CARM1: variants seen among roughly 807,000 people sequenced by gnomAD.
CARM1 encodes the protein histone-arginine methyltransferase CARM1.
A neutral mutation model predicts 72.7 loss-of-function variants in CARM1; 14 were observed. The ratio of observed to expected loss-of-function variants is 0.19; its 90% CI spans 0.13 to 0.30. The LOEUF (loss-of-function observed/expected upper bound fraction) is 0.30, where lower values mean the gene tolerates loss of function less well. Ranked by LOEUF, CARM1 falls within the 10% of genes least tolerant of loss-of-function variation. CARM1 has a pLI of 1.00. For missense variants in CARM1, 432 were observed against 833.7 expected (o/e 0.52, Z 5.93); for synonymous variants, 333 against 345.5 (o/e 0.96, Z 0.40).
intron 4 of CARM1, among the ~76,000 whole-genome samples, chr19:10,910,397 C>G (rs1382566343): frequency 1.3e-5 from 2 of 151,508 alleles, no homozygotes; most frequent in Non-Finnish European, 2.9e-5. Flanking sequence ...AGGAGAATCA[C>G]TTGAACCTGG....
At chr19:10,892,985 T>C (rs1393373036) in intron 1 of CARM1, among the ~76,000 whole-genome samples, 2 of 152,154 alleles carry the variant, frequency 1.3e-5, no homozygotes, top group Non-Finnish European at 2.9e-5. Flanking sequence ...TCCACCCGCC[T>C]CAGCCTCCCA....
Position 10,921,615 on chromosome 19 carries a change from G to C in CARM1, c.1685G>C (p.Gly562Ala). 6.2e-7 allele frequency: 1 copy of C among 1,609,878 alleles called. No homozygotes were observed. Among genetic ancestry groups the C allele is most frequent in the Non-Finnish European group, 8.5e-7 (1 of 1,177,364 alleles). The part of the protein sequence containing the change: ...GSIMSTGIVQ[G>A]SSGAQGSGGG... ...CTCACTGCCATTGCCTGCTCCACAG[G>C]GTCCTCCGGCGCCCAGGGCAGTGGT... is the stretch of plus-strand genomic sequence containing the variant. The change falls in exon 16 of 16, where the codon GGG becomes GCG. Residue 562 changes from glycine (G) to alanine (A), a missense_variant and splice_region_variant. Transcript: ENST00000327064.
In CARM1 at chr19:10,916,708, T is replaced by A. The variant is rs551984275; in HGVS notation, c.951T>A (p.Ser317=). 41 of 1,566,960 alleles carry A rather than the reference T, an allele frequency of 2.6e-5. No homozygotes were observed. The Admixed American group carries it at 3.2e-4, about 12-fold the overall frequency. ...FTKANFWYQP[S]FHGVDLSALR... ...GGCCTGTCCACAGGTACCAGCCATC[T>A]TTCCATGGAGTGGACCTGTCGGCCC... Residue 317 remains serine, a synonymous_variant, in exon 8 of 16, where the codon TCT becomes TCA. Coordinates refer to ENST00000327064, the MANE Select transcript of CARM1 (RefSeq NM_199141.2). The surrounding 1 kb of genome is among the most constrained non-coding windows in gnomAD (Gnocchi z 4.4).
intron 1 of CARM1, among the ~76,000 whole-genome samples, chr19:10,876,751 T>TC (rs1364556355): frequency 5.3e-5 from 8 of 152,254 alleles, no homozygotes; most frequent in Non-Finnish European, 5.9e-5. Flanking sequence ...TGGCATGGCC[T>TC]CTGGAGTTCC....
At position 10,915,173 on chromosome 19, in the gene CARM1, G is replaced by A. The variant is rs1029005294; in HGVS notation, c.847+1119G>A. 2.0e-5 allele frequency among the ~76,000 whole-genome samples: 3 copies of A among 152,126 alleles called. No individual in the cohort carries two copies. The highest frequency in any genetic ancestry group is 4.4e-5 in the Non-Finnish European group (3 of 68,018). ...TGTGCTCCTGGAGGTGGGAGGTGGC[G>A]TCCCACAGCTGTGTCTCATGTCTTG... On this transcript the variant is annotated intron_variant, in intron 6 of 15. Transcript: ENST00000327064. The surrounding 1 kb of genome is among the most constrained non-coding windows in gnomAD (Gnocchi z 4.6).
chr19:10,921,668 G>T lies in CARM1; in HGVS notation c.1738G>T (p.Val580Phe), dbSNP rs983041679. The part of the protein sequence containing the change: ...GGGSTSAHYA[V>F]NSQFTMGGPA... ...TGGCAGCACGAGTGCCCACTATGCA[G>T]TCAACAGCCAGTTCACCATGGGCGG... is the stretch of plus-strand genomic sequence containing the variant. Residue 580 changes from valine (V) to phenylalanine (F), a missense_variant, in exon 16 of 16, where the codon GTC (valine) becomes TTC (phenylalanine). Val to Phe is a conservative substitution (Grantham distance 50, BLOSUM62 -1). Transcript: ENST00000327064. 1 of 1,613,584 alleles carries T rather than the reference G, an allele frequency of 6.2e-7. No individual in the cohort carries two copies.
At chr19:10,917,095 A>T (rs544305899) in intron 8 of CARM1, among the ~76,000 whole-genome samples, 2 of 152,102 alleles carry the variant, frequency 1.3e-5, no homozygotes, top group Admixed American at 1.3e-4. Context: ...AATAAAAAAG[A>T]ACCATTACTA....
Position 10,920,721 on chromosome 19 carries a change from T to A in CARM1, c.1397T>A (p.Leu466His). 1 of 1,614,068 alleles carries A rather than the reference T, an allele frequency of 6.2e-7. No homozygotes were observed. Among genetic ancestry groups the A allele is most frequent in the Non-Finnish European group, 8.5e-7 (1 of 1,179,984 alleles). Reference sequence around the variant, plus strand: ...CAGACCGGCTCCAAGTCCAGTAACCTCCTGGATCTGAAAAACCCCTTCTTT... The same window carrying A: ...CAGACCGGCTCCAAGTCCAGTAACCACCTGGATCTGAAAAACCCCTTCTTT... ...VDQTGSKSSN[L>H]LDLKNPFFRY... The change falls in exon 12 of 16, where the codon CTC becomes CAC. Residue 466 changes from leucine to histidine, a missense_variant. Physicochemically the swap from Leu to His is moderately conservative, Grantham distance 99. This residue lies in a region of CARM1 where 152 missense variants were observed against 452.8 expected (regional missense o/e 0.34). Transcript: ENST00000327064. The surrounding 1 kb of genome is among the most constrained non-coding windows in gnomAD (Gnocchi z 5.3).
intron 1 of CARM1, among the ~76,000 whole-genome samples, chr19:10,880,434 C>T (rs886109999): frequency 2.0e-5 from 3 of 151,984 alleles, no homozygotes; most frequent in African/African-American, 7.2e-5. Context: ...CAGCCTTGAA[C>T]ACCCAGGCTC....
Position 10,871,852 on chromosome 19 carries a change from C to T in CARM1, c.150C>T (p.His50=), listed in dbSNP as rs1463499953. ...IGDANGEIQR[H]AEQQALRLEV... is the part of the protein sequence containing the mutation. Reference sequence around the variant, plus strand: ...ACGCGAACGGCGAGATCCAGCGGCACGCGGAGCAGCAGGCGCTGCGCCTCG... The same window carrying T: ...ACGCGAACGGCGAGATCCAGCGGCATGCGGAGCAGCAGGCGCTGCGCCTCG... Residue 50 remains histidine, a synonymous_variant, in exon 1 of 16, where the codon CAC becomes CAT. Transcript: ENST00000327064. This position sits in a 1 kb window ranked among gnomAD's most constrained non-coding sequence, Gnocchi z 5.6. 1 of 1,295,922 alleles carries T rather than the reference C, an allele frequency of 7.7e-7. No individual in the cohort carries two copies. 80.3% of individuals were successfully genotyped at this position (1,295,922 alleles called of 1,614,324 possible). A position where few individuals can be genotyped will look rare whatever the true frequency, so the allele number is the denominator to read the frequency against.
At chr19:10,919,536 C>T in intron 8 of CARM1, 59 bp from the exon 9 acceptor site, 1 of 1,239,690 alleles carries the variant, frequency 8.1e-7, no homozygotes, top group Non-Finnish European at 1.2e-6. Context: ...GGGCAGGGCT[C>T]TCCCCTCCCA....
intron 8 of CARM1, 168 bp from the exon 9 acceptor site, chr19:10,919,427 T>G: frequency 3.4e-6 from 2 of 596,476 alleles, no homozygotes; most frequent in South Asian, 4.1e-5. Flanking sequence ...CTGATTGCCC[T>G]CGGTGGCGTT....
In CARM1 at chr19:10,920,415, G is replaced by A. The variant is rs374521792; in HGVS notation, c.1197-21G>A. ...TGGTGGCGCCGGCCCAGTCAAGTAT[G>A]TGCCTGTCCCTGCTCCACAGAATGA... On this transcript the variant is annotated intron_variant, in intron 10 of 15. Coordinates refer to ENST00000327064, the MANE Select transcript of CARM1 (RefSeq NM_199141.2). The surrounding 1 kb of genome is among the most constrained non-coding windows in gnomAD (Gnocchi z 5.3). 15 of 1,602,544 alleles carry A rather than the reference G, an allele frequency of 9.4e-6. No individual in the cohort carries two copies. In the African/African-American group the frequency reaches 1.9e-4, roughly 20 times the overall value.
intron 1 of CARM1, among the ~76,000 whole-genome samples, chr19:10,879,186 A>C (rs1380120245): frequency 6.6e-6 from 1 of 152,196 alleles, no homozygotes; most frequent in Non-Finnish European, 1.5e-5. Flanking sequence ...TGGCTTCCAG[A>C]CAGCAGGACA....
chr19:10,875,637 G>C (rs1015894630), intron 1 of CARM1, among the ~76,000 whole-genome samples: 5 of 152,020 alleles, frequency 3.3e-5, no homozygotes, highest in Non-Finnish European at 7.4e-5. Context: ...TGTTAGCCAG[G>C]ATGGTCTCCA....
rs1422061066 is a variant in CARM1 at position 10,920,010 on chromosome 19, A to G, written c.1196+44A>G. ...CCCATGCTGCCTCCTCCCCACTCCC[A>G]GGGCTTCCTGCAGCTGCAACCTGGC... On this transcript the variant is annotated intron_variant, in intron 10 of 15. Coordinates refer to ENST00000327064, the MANE Select transcript of CARM1 (RefSeq NM_199141.2). The surrounding 1 kb of genome is among the most constrained non-coding windows in gnomAD (Gnocchi z 5.3). The G allele has an allele frequency of 2.0e-6, 3 of 1,499,196 alleles. No individual in the cohort carries two copies. The South Asian group carries it at 3.4e-5, about 17-fold the overall frequency. 92.9% of individuals were successfully genotyped at this position (1,499,196 alleles called of 1,614,324 possible). A position where few individuals can be genotyped will look rare whatever the true frequency, so the allele number is the denominator to read the frequency against.
chr19:10,919,540 C>T (rs1485801648), intron 8 of CARM1, 55 bp from the exon 9 acceptor site: 2 of 1,309,916 alleles, frequency 1.5e-6, no homozygotes, highest in Non-Finnish European at 2.2e-6. Flanking sequence ...AGGGCTCTCC[C>T]CTCCCATGCT....
intron 1 of CARM1, among the ~76,000 whole-genome samples, chr19:10,873,153 A>G (rs1157023549): frequency 6.6e-6 from 1 of 152,160 alleles, no homozygotes; most frequent in Non-Finnish European, 1.5e-5. Context: ...ACAGAACCCC[A>G]GATCATAAGC....
intron 4 of CARM1, 42 bp downstream of exon 4, chr19:10,909,249 C>A: frequency 7.7e-7 from 1 of 1,299,112 alleles, no homozygotes; most frequent in Non-Finnish European, 1.1e-6. Flanking sequence ...GCTTCTGTCT[C>A]GGTTTTTTTT....
Sources: allele counts gnomAD v4.1 joint callset (sites outside exome capture counted in the v4.1 genomes callset), GRCh38; gene constraint gnomAD v4.1.1; regional missense constraint gnomAD v4.1.1; non-coding constraint Gnocchi (gnomAD v3.1); transcripts MANE v1.5; gene names NCBI Gene and HGNC (gene_info 2026-07-23, HGNC 2026-07-21).